The following NCAPD3 variants were observed in gnomAD, a reference collection of about 807,000 sequenced individuals.
NCAPD3 encodes condensin-2 complex subunit D3.
A neutral mutation model predicts 182.9 loss-of-function variants in NCAPD3; 105 were observed. That is an observed-to-expected ratio of 0.57 (90% confidence interval 0.49 to 0.68). The LOEUF (loss-of-function observed/expected upper bound fraction) is 0.68. Ranked by LOEUF, NCAPD3 falls within the 30% of genes least tolerant of loss-of-function variation. NCAPD3 has a pLI of 0.00. For synonymous variants in NCAPD3, 815 were observed against 679.9 expected (o/e 1.20, Z -3.09); for missense variants, 1,944 against 1,837.0 (o/e 1.06, Z -1.07).
At chr11:134,187,920 C>A (rs1469781233) in intron 16 of NCAPD3, among the ~76,000 whole-genome samples, 1 of 152,244 alleles carries the variant, frequency 6.6e-6, no homozygotes, top group Non-Finnish European at 1.5e-5. Context: ...TCCAACTCCT[C>A]CAAACCTCAG....
intron 27 of NCAPD3, among the ~76,000 whole-genome samples, chr11:134,165,727 TA>T (rs1304188444): frequency 1.6e-5 from 2 of 126,400 alleles, no homozygotes; most frequent in African/African-American, 6.2e-5. Flanking sequence ...GAGATGAGCT[TA>T]GGGGAGCTGC....
In NCAPD3 at chr11:134,153,023, C is replaced by A. The variant is rs113292086; in HGVS notation, c.4418G>T (p.Arg1473Leu). ...AGTGTCTTTATTCCTGGCGGGAGAC[C>A]GCACATTCCACTGCTGAGGCTGTGG... ...PPPQPQQWNV[R>L]SPARNKDTPA... The change falls in exon 35 of 35, where the codon CGG becomes CTG. Residue 1473 changes from arginine (R) to leucine (L), a missense_variant. This residue lies in a region of NCAPD3 where 1,803 missense variants were observed against 1,674.6 expected (regional missense o/e 1.08). Transcript: ENST00000534548. 5.0e-6 allele frequency: 8 copies of A among 1,595,480 alleles called. No individual in the cohort carries two copies. Among genetic ancestry groups the A allele is most frequent in the Admixed American group, 3.4e-5 (2 of 58,476 alleles).
In NCAPD3 at chr11:134,181,155, T is replaced by A; in HGVS notation, c.2481A>T (p.Val827=). The change falls in exon 20 of 35, where the codon GTA becomes GTT. Residue 827 remains valine (V), a synonymous_variant. Coordinates refer to ENST00000534548, the MANE Select transcript of NCAPD3 (RefSeq NM_015261.3). ...QELLTQVCGD[V]LSTCEHRLSN... ...AGAGGCGGTGCTCGCAGGTGGAGAG[T>A]ACATCCCCACACACCTGCGTCAGCA... The A allele has an allele frequency of 6.2e-7, 1 of 1,613,816 alleles. No homozygotes were observed. Among genetic ancestry groups the A allele is most frequent in the Non-Finnish European group, 8.5e-7 (1 of 1,179,898 alleles).
rs1937783607 is a variant in NCAPD3 at position 134,210,286 on chromosome 11, C to T, written c.551G>A (p.Arg184Lys). 6.2e-7 allele frequency: 1 copy of T among 1,613,278 alleles called. No homozygotes were observed. The highest frequency in any genetic ancestry group is 1.7e-5 in the Admixed American group (1 of 59,786). The change falls in exon 4 of 35, where the codon AGG (arginine) becomes AAG (lysine). Residue 184 changes from arginine to lysine, a missense_variant. Arg to Lys is a conservative substitution (Grantham distance 26). Around this residue, in one of 3 missense-constraint regions of NCAPD3, gnomAD observed 1,803 missense variants for 1,674.6 expected, o/e 1.08. Transcript: ENST00000534548. ...ACTTCTTACCTCAATATCTTCTCTC[C>T]TGGGTGGCTTTCCCCTTTTTCTATG... ...GRHRKRGKPP[R>K]REDIEMDEII...
intron 25 of NCAPD3, 115 bp from the exon 26 acceptor site, chr11:134,168,717 G>A: frequency 4.1e-6 from 6 of 1,446,608 alleles, no homozygotes; most frequent in Non-Finnish European, 5.7e-6. Context: ...GTGCACTACA[G>A]AGATCCCAGT....
Position 134,152,736 on chromosome 11 carries a change from G to A in NCAPD3, c.*208C>T. 1 of 463,190 alleles carries A rather than the reference G, an allele frequency of 2.2e-6. No individual in the cohort carries two copies. The highest frequency in any genetic ancestry group is 3.8e-6 in the Non-Finnish European group (1 of 264,742). The allele number at this position is 463,190 out of a possible 1,614,324, so 28.7% of individuals were successfully genotyped here. On this transcript the variant is annotated 3_prime_UTR_variant, in exon 35 of 35. Coordinates refer to ENST00000534548, the MANE Select transcript of NCAPD3 (RefSeq NM_015261.3). ...GATTAGGGTAAGAAAATCTAAATCT[G>A]GCACATCTCTATTATTTGACAGTGT...
chr11:134,155,631 T>C (rs1465853924), intron 32 of NCAPD3, among the ~76,000 whole-genome samples: 2 of 152,008 alleles, frequency 1.3e-5, no homozygotes, highest in African/African-American at 4.8e-5. Context: ...AACCCAACAC[T>C]GACATCAGGG....
chr11:134,152,631 T>G lies in NCAPD3; in HGVS notation c.*313A>C, dbSNP rs1163170967. ...TAAAAGAAAGCTGCAGTTTTAAAGTTGTGTTCCTTAAAGACCAGATTATAG... is the reference window on the plus strand; with the variant it reads ...TAAAAGAAAGCTGCAGTTTTAAAGTGGTGTTCCTTAAAGACCAGATTATAG... On this transcript the variant is annotated 3_prime_UTR_variant, in exon 35 of 35. Transcript: ENST00000534548. 4.2e-6 allele frequency: 1 copy of G among 239,070 alleles called. No individual in the cohort carries two copies. Among genetic ancestry groups the G allele is most frequent in the South Asian group, 1.8e-4 (1 of 5,686 alleles). The allele number at this position is 239,070 out of a possible 1,614,324, so 14.8% of individuals were successfully genotyped here. A position where few individuals can be genotyped will look rare whatever the true frequency, so the allele number is the denominator to read the frequency against.
chr11:134,171,646 C>T (rs951011977), intron 24 of NCAPD3, among the ~76,000 whole-genome samples: 13 of 152,152 alleles, frequency 8.5e-5, no homozygotes, highest in African/African-American at 3.1e-4. Flanking sequence ...TGGCCACCAC[C>T]CCAAATCCAA....
rs758395822 is a variant in NCAPD3 at position 134,153,155 on chromosome 11, G to A, written c.4373C>T (p.Ser1458Leu). 1 of 1,614,122 alleles carries A rather than the reference G, an allele frequency of 6.2e-7. No individual in the cohort carries two copies. The highest frequency in any genetic ancestry group is 8.5e-7 in the Non-Finnish European group (1 of 1,179,988). The change falls in exon 34 of 35, where the codon TCA becomes TTA. Residue 1458 changes from serine (S) to leucine (L), a missense_variant. Ser to Leu is a moderately radical substitution (Grantham distance 145). Coordinates refer to ENST00000534548, the MANE Select transcript of NCAPD3 (RefSeq NM_015261.3). ...CTAAACTTACGGTTTATCAGGCAGT[G>A]ATAAACATAAGATGTCATTTCCTTG... ...RSQGNDILCLSLPDKPPPQPQ... is the reference protein window; with the variant it reads ...RSQGNDILCLLLPDKPPPQPQ...
chr11:134,161,334 C>G (rs1293489080), intron 28 of NCAPD3, among the ~76,000 whole-genome samples: 5 of 152,170 alleles, frequency 3.3e-5, no homozygotes, highest in Admixed American at 6.5e-5. Context: ...AGAATTCAGC[C>G]TGGTGATGGC....
intron 1 of NCAPD3, chr11:134,223,549 A>T (rs1156509449): frequency 1.6e-5 from 11 of 696,020 alleles, no homozygotes; most frequent in Non-Finnish European, 2.6e-5. Context: ...AAACCATCTT[A>T]ATAGGTAAGA....
chr11:134,219,152 T>C (rs1177175637), intron 2 of NCAPD3, among the ~76,000 whole-genome samples: 4 of 152,180 alleles, frequency 2.6e-5, no homozygotes, highest in South Asian at 4.1e-4. Context: ...GTGTTCCCAT[T>C]GGGTGGCTCC....
chr11:134,164,119 T>C (rs1943682232), intron 27 of NCAPD3, among the ~76,000 whole-genome samples: 1 of 151,972 alleles, frequency 6.6e-6, no homozygotes. Context: ...AGGTGGGAAA[T>C]ACACATTGGC....
intron 31 of NCAPD3, 141 bp from the exon 32 acceptor site, chr11:134,157,236 G>A (rs758135729): frequency 2.0e-4 from 113 of 564,404 alleles, no homozygotes; most frequent in Non-Finnish European, 2.9e-4. Flanking sequence ...AGGCAATTCA[G>A]GAAGAAATAC....
intron 24 of NCAPD3, among the ~76,000 whole-genome samples, chr11:134,176,101 A>T (rs997790041): frequency 2.6e-5 from 4 of 152,206 alleles, no homozygotes; most frequent in African/African-American, 9.7e-5. Flanking sequence ...TCAATGATGA[A>T]TCTAACCATT....
intron 27 of NCAPD3, among the ~76,000 whole-genome samples, chr11:134,166,913 A>C (rs1455505470): frequency 7.8e-6 from 1 of 127,800 alleles, no homozygotes; most frequent in Non-Finnish European, 1.6e-5. Context: ...GGGGAGGCGC[A>C]CACTCGTGAG....
intron 10 of NCAPD3, 24 bp from the exon 11 acceptor site, chr11:134,203,930 T>C (rs2136011713): frequency 4.3e-6 from 7 of 1,609,662 alleles, no homozygotes; most frequent in African/African-American, 2.7e-5. Flanking sequence ...ATCATAAGAA[T>C]TGCCATCAGA....
rs774185836 is a variant in NCAPD3, at chr11:134,168,161, C to T, written c.3408G>A (p.Leu1136=). The change falls in exon 27 of 35, where the codon CTG becomes CTA. Residue 1136 remains leucine, a synonymous_variant. Transcript: ENST00000534548. The part of the protein sequence containing the change: ...CFADGILPLD[L]DASELLSDTF... Reference sequence around the variant, plus strand: ...TGTCTGAGAGTAACTCACTGGCGTCCAGGTCCAGGGGTAGGATGCCATCAG... The same window carrying T: ...TGTCTGAGAGTAACTCACTGGCGTCTAGGTCCAGGGGTAGGATGCCATCAG... 6.2e-7 allele frequency: 1 copy of T among 1,614,128 alleles called. No individual in the cohort carries two copies. Among genetic ancestry groups the T allele is most frequent in the Non-Finnish European group, 8.5e-7 (1 of 1,180,000 alleles).
Sources: gnomAD v4.1 joint callset for allele counts (sites outside exome capture counted in the v4.1 genomes callset) on GRCh38, gnomAD v4.1.1 for gene constraint, gnomAD v4.1.1 regional missense constraint, MANE v1.5 for transcripts, NCBI Gene and HGNC (gene_info 2026-07-23, HGNC 2026-07-21) for gene names.